NAV2: variants seen among roughly 807,000 people sequenced by gnomAD.
The protein encoded by NAV2 is neuron navigator 2, also known as helicase, APC down-regulated 1.
In NAV2, 54 loss-of-function variants were observed where a neutral mutation model predicts 223.2. The ratio of observed to expected loss-of-function variants is 0.24; its 90% CI spans 0.19 to 0.30. NAV2 has a LOEUF of 0.30. Among genes scored for constraint, NAV2 ranks in the 10% least tolerant of loss-of-function variants. The pLI, the probability that NAV2 is intolerant of heterozygous loss-of-function variation, is 1.00. For missense variants in NAV2, 2,806 were observed against 3,147.5 expected (o/e 0.89, Z 2.60); for synonymous variants, 1,279 against 1,239.3 (o/e 1.03, Z -0.67).
intron 6 of NAV2, among the ~76,000 whole-genome samples, chr11:19,915,722 T>C (rs541162273): frequency 3.9e-5 from 6 of 152,236 alleles, no homozygotes; most frequent in Non-Finnish European, 8.8e-5. Context: ...TCCTCTCTAG[T>C]TGTCCTCCCC....
At chr11:19,588,266 A>G (rs2045956748) in intron 1 of NAV2, among the ~76,000 whole-genome samples, 1 of 152,230 alleles carries the variant, frequency 6.6e-6, no homozygotes, top group Non-Finnish European at 1.5e-5. Flanking sequence ...CATCCATTTT[A>G]CAAATTGATT....
chr11:19,784,831 C>T lies in NAV2; in HGVS notation c.268-47653C>T, dbSNP rs779099345. ...TGTGAGAATTAAATGAGATAATGAA[C>T]GCAAAGCGCTCAGTACAGGACCTGA... On this transcript the variant is annotated intron_variant, in intron 1 of 37. Coordinates refer to ENST00000349880, the MANE Select transcript of NAV2 (RefSeq NM_145117.5). Among the ~76,000 whole-genome samples the T allele has an allele frequency of 5.9e-5, 9 of 152,110 alleles. 1 individual carries two copies. Among genetic ancestry groups the T allele is most frequent in the African/African-American group, 1.2e-4 (5 of 41,412 alleles).
Position 19,918,869 on chromosome 11 carries a change from G to A in NAV2, c.932-14307G>A, listed in dbSNP as rs958135393. ...AACCCCTTTTGTGATCCACAGGTCCGTAAACCAATCATCACGATAGCTTCT... is the reference window on the plus strand; with the variant it reads ...AACCCCTTTTGTGATCCACAGGTCCATAAACCAATCATCACGATAGCTTCT... On this transcript the variant is annotated intron_variant, in intron 6 of 37. Coordinates refer to ENST00000349880, the MANE Select transcript of NAV2 (RefSeq NM_145117.5). 3.3e-5 allele frequency among the ~76,000 whole-genome samples: 5 copies of A among 152,152 alleles called. 1 individual carries two copies. Among genetic ancestry groups the A allele is most frequent in the East Asian group, 3.9e-4 (2 of 5,192 alleles).
chr11:19,383,073 T>G (rs1848904712), intron 1 of NAV2, among the ~76,000 whole-genome samples: 1 of 152,244 alleles, frequency 6.6e-6, no homozygotes, highest in African/African-American at 2.4e-5. Flanking sequence ...TGGATTTTTC[T>G]TGTTAACTGA....
chr11:19,539,364 A>G (rs888718629), intron 1 of NAV2, among the ~76,000 whole-genome samples: 3 of 152,236 alleles, frequency 2.0e-5, no homozygotes, highest in African/African-American at 7.2e-5. Flanking sequence ...CACTTGATAA[A>G]AAGTAGATCC....
At chr11:19,576,249 C>T (rs918749877) in intron 1 of NAV2, among the ~76,000 whole-genome samples, 39 of 152,112 alleles carry the variant, frequency 2.6e-4, no homozygotes, top group African/African-American at 8.5e-4. Context: ...GCAGCCTTGC[C>T]GCATTCTGAT....
chr11:19,805,197 T>C (rs2058487726), intron 1 of NAV2, among the ~76,000 whole-genome samples: 1 of 152,216 alleles, frequency 6.6e-6, no homozygotes, highest in Non-Finnish European at 1.5e-5. Context: ...AGCTGAGAGA[T>C]GAGGCAGTCT....
intron 1 of NAV2, among the ~76,000 whole-genome samples, chr11:19,594,936 A>G (rs1386266752): frequency 6.6e-6 from 1 of 152,226 alleles, no homozygotes; most frequent in Non-Finnish European, 1.5e-5. Flanking sequence ...ACATCTATCA[A>G]GCACTTACTT....
chr11:19,461,773 T>A (rs1564955396), intron 1 of NAV2, among the ~76,000 whole-genome samples: 1 of 152,230 alleles, frequency 6.6e-6, no homozygotes, highest in Non-Finnish European at 1.5e-5. Flanking sequence ...CAGAGAGTAT[T>A]TTGAGAATAA....
intron 1 of NAV2, among the ~76,000 whole-genome samples, chr11:19,500,871 G>A (rs1463246361): frequency 6.6e-6 from 1 of 152,186 alleles, no homozygotes; most frequent in South Asian, 2.1e-4. Flanking sequence ...AATGGCTGCT[G>A]TAATAAATTA....
intron 1 of NAV2, among the ~76,000 whole-genome samples, chr11:19,633,758 G>T (rs115846985): frequency 6.6e-6 from 1 of 152,202 alleles, no homozygotes; most frequent in African/African-American, 2.4e-5. Flanking sequence ...GAGAAATGGG[G>T]CATGTCTGGC....
intron 12 of NAV2, among the ~76,000 whole-genome samples, chr11:20,038,343 A>G (rs1227598444): frequency 1.3e-5 from 2 of 152,174 alleles, no homozygotes; most frequent in Non-Finnish European, 2.9e-5. Context: ...TTTTTTTCCT[A>G]TAAAACTACC....
At chr11:19,349,957 C>T (rs913649931), upstream of NAV2, among the ~76,000 whole-genome samples, 14 of 152,244 alleles carry the variant, frequency 9.2e-5, no homozygotes, top group East Asian at 7.7e-4. Context: ...CTCACCCTCC[C>T]TGAGGACCCT....
intron 6 of NAV2, among the ~76,000 whole-genome samples, chr11:19,921,841 G>C (rs2044298954): frequency 6.6e-6 from 1 of 152,168 alleles, no homozygotes; most frequent in African/African-American, 2.4e-5. Flanking sequence ...CAATAAAAAT[G>C]CTTAGCACTG....
At chr11:20,118,020 CT>C in intron 37 of NAV2, 112 bp from the exon 38 acceptor site, 1 of 1,231,166 alleles carries the variant, frequency 8.1e-7, no homozygotes, top group Non-Finnish European at 1.1e-6. Context: ...ACTGCCTCCA[CT>C]GTGGGCTGTT....
chr11:19,931,369 A>G (rs1282160810), intron 6 of NAV2, among the ~76,000 whole-genome samples: 1 of 152,174 alleles, frequency 6.6e-6, no homozygotes, highest in African/African-American at 2.4e-5. Flanking sequence ...TATGTGTTTT[A>G]AAACATTGGG....
chr11:19,517,027 T>G (rs1287054585), intron 1 of NAV2, among the ~76,000 whole-genome samples: 2 of 148,780 alleles, frequency 1.3e-5, no homozygotes, highest in Admixed American at 1.4e-4. Flanking sequence ...CCAGGCAACA[T>G]AGCAAGACCC....
chr11:19,630,450 G>C (rs1160290253), intron 1 of NAV2, among the ~76,000 whole-genome samples: 1 of 152,176 alleles, frequency 6.6e-6, no homozygotes, highest in East Asian at 1.9e-4. Context: ...GGAACCCTAG[G>C]GTTCCAAGAA....
At chr11:19,380,729 C>A (rs1274968532) in intron 1 of NAV2, 1 of 152,270 alleles carries the variant, frequency 6.6e-6, no homozygotes, top group Non-Finnish European at 1.5e-5. Flanking sequence ...CATGCTGCTT[C>A]TCTGCTATGG....
Sources: allele counts gnomAD v4.1 joint callset (sites outside exome capture counted in the v4.1 genomes callset), GRCh38; gene constraint gnomAD v4.1.1; transcripts MANE v1.5; gene names NCBI Gene and HGNC (gene_info 2026-07-23, HGNC 2026-07-21).